ZNF547: variants seen among roughly 807,000 people sequenced by gnomAD.
The protein encoded by ZNF547 is zinc finger protein 547.
ZNF547 carries 4 observed loss-of-function variants against 7.7 expected under a neutral mutation model. That is an observed-to-expected ratio of 0.52 (90% CI 0.26 to 1.20). The LOEUF is 1.20. Among genes scored for constraint, ZNF547 ranks in the 50% most tolerant of loss-of-function variants. The pLI, the probability that ZNF547 is intolerant of heterozygous loss-of-function variation, is 0.14. For synonymous variants in ZNF547, 166 were observed against 166.2 expected (o/e 1.00, Z 0.01); for missense variants, 449 against 485.8 (o/e 0.92, Z 0.71).
At chr19:57,366,618 T>C (rs563915533) in intron 1 of ZNF547, among the ~76,000 whole-genome samples, 1 of 144,636 alleles carries the variant, frequency 6.9e-6, no homozygotes, top group East Asian at 2.1e-4. Flanking sequence ...GGCGCTTGGC[T>C]CACTGCAACC....
intron 1 of ZNF547, chr19:57,364,973 A>G (rs1221676574): frequency 1.2e-6 from 2 of 1,613,050 alleles, no homozygotes; most frequent in Non-Finnish European, 1.7e-6. Context: ...GCTGCTCTCG[A>G]CCTCGTAGAT....
chr19:57,377,013 T>C, intron 3 of ZNF547, 115 bp from the exon 4 acceptor site: 2 of 1,096,112 alleles, frequency 1.8e-6, no homozygotes, highest in Non-Finnish European at 2.6e-6. Flanking sequence ...CCAGGGTTCA[T>C]GCCTGTCACC....
chr19:57,369,923 T>TTTTTTTTTTTTA (rs56923117), intron 2 of ZNF547, among the ~76,000 whole-genome samples: 3 of 143,042 alleles, frequency 2.1e-5, no homozygotes, highest in East Asian at 2.0e-4. Context: ...TTTTTTTTTT[T>TTTTTTTTTTTTA]GAGATGTGGC....
intron 1 of ZNF547, chr19:57,365,047 G>T (rs780514143): frequency 3.1e-6 from 5 of 1,611,846 alleles, no homozygotes; most frequent in East Asian, 2.2e-5. Flanking sequence ...CGAGTGGTTT[G>T]TGTCAGCATT....
At chr19:57,364,446 A>ATG in intron 1 of ZNF547, 13 of 219,186 alleles carry the variant, frequency 5.9e-5, no homozygotes, top group Non-Finnish European at 7.4e-5. Context: ...TAGATTCTTC[A>ATG]AAAGAATAGA....
At chr19:57,364,953 C>A (rs2123007907) in intron 1 of ZNF547, 1 of 1,613,084 alleles carries the variant, frequency 6.2e-7, no homozygotes, top group Non-Finnish European at 8.5e-7. Flanking sequence ...TGAACCAGTT[C>A]ATAGCTCATG....
rs1211911705 is a variant in ZNF547, at chr19:57,379,140, A to AG, written c.*958dup. ...TGTGAATATTGCTACTACAAGCATA[A>AG]GGGCACAAATATCTCTTTGAGACCC... On this transcript the variant is annotated 3_prime_UTR_variant, in exon 4 of 4. Coordinates refer to ENST00000282282, the MANE Select transcript of ZNF547 (RefSeq NM_173631.4). 1 of 153,848 alleles carries AG rather than the reference A, an allele frequency of 6.5e-6. No homozygotes were observed. The highest frequency in any genetic ancestry group is 1.4e-5 in the Non-Finnish European group (1 of 69,166). The allele number at this position is 153,848 out of a possible 1,614,324, so 9.5% of individuals were successfully genotyped here. A position where few individuals can be genotyped will look rare whatever the true frequency, so the allele number is the denominator to read the frequency against.
chr19:57,369,069 G>T (rs2088488671), intron 2 of ZNF547, among the ~76,000 whole-genome samples: 1 of 152,180 alleles, frequency 6.6e-6, no homozygotes. Context: ...TGAAGCAGAA[G>T]AGGGCAGTGA....
intron 3 of ZNF547, among the ~76,000 whole-genome samples, chr19:57,373,434 GC>G (rs149477503): frequency 3.5e-4 from 51 of 146,242 alleles, no homozygotes; most frequent in African/African-American, 1.0e-3. Flanking sequence ...TTCCACCCCG[GC>G]CCCCCCCACC....
intron 2 of ZNF547, 43 bp downstream of exon 2, chr19:57,368,622 T>TA: frequency 6.2e-7 from 1 of 1,608,946 alleles, no homozygotes; most frequent in Non-Finnish European, 8.5e-7. Context: ...AGTTATCTCA[T>TA]AGATGGTTTT....
rs77834888 is a variant in ZNF547 at position 57,377,435 on chromosome 19, G to A, written c.459G>A (p.Gly153=). 9.5e-3 allele frequency: 15,307 copies of A among 1,614,208 alleles called. 1,105 individuals carry two copies. In the African/African-American group the frequency reaches 0.17, roughly 18 times the overall value. The change falls in exon 4 of 4, where the codon GGG becomes GGA. Residue 153 remains glycine (G), a synonymous_variant. Coordinates refer to ENST00000282282, the MANE Select transcript of ZNF547 (RefSeq NM_173631.4). The part of the protein sequence containing the change: ...FVKNHRVHMA[G]KTFLCSECGK... ...AGAACCACAGAGTTCACATGGCAGG[G>A]AAGACCTTCTTGTGCAGTGAATGTG...
At chr19:57,372,116 G>T (rs1207005649) in intron 3 of ZNF547, among the ~76,000 whole-genome samples, 2 of 152,212 alleles carry the variant, frequency 1.3e-5, no homozygotes, top group African/African-American at 4.8e-5. Context: ...TCTGAGGCTT[G>T]CAAGAAAGGG....
chr19:57,365,908 G>A (rs572992428), intron 1 of ZNF547, among the ~76,000 whole-genome samples: 4 of 141,022 alleles, frequency 2.8e-5, no homozygotes, highest in South Asian at 2.2e-4. Flanking sequence ...TGTTGTGCAG[G>A]GGCTGGAGTG....
At chr19:57,368,930 G>A (rs1183098491) in intron 2 of ZNF547, among the ~76,000 whole-genome samples, 2 of 152,178 alleles carry the variant, frequency 1.3e-5, no homozygotes, top group Non-Finnish European at 2.9e-5. Flanking sequence ...GGAACTGCAA[G>A]TGTCTGTTAT....
At chr19:57,365,055 A>G in intron 1 of ZNF547, 4 of 1,611,776 alleles carry the variant, frequency 2.5e-6, no homozygotes, top group African/African-American at 1.3e-5. Context: ...TTGTGTCAGC[A>G]TTTGTCACCG....
intron 2 of ZNF547, 50 bp from the exon 3 acceptor site, chr19:57,371,732 A>G (rs758760435): frequency 1.9e-6 from 3 of 1,577,900 alleles, no homozygotes; most frequent in Non-Finnish European, 2.6e-6. Flanking sequence ...GAACTTAAGT[A>G]AATACAGTTT....
Position 57,377,951 on chromosome 19 carries a change from G to T in ZNF547, c.975G>T (p.Glu325Asp), listed in dbSNP as rs1320124139. Residue 325 changes from glutamate to aspartate, a missense_variant, in exon 4 of 4, where the codon GAG becomes GAT. By Grantham distance (45) the Glu-to-Asp change is conservative. Coordinates refer to ENST00000282282, the MANE Select transcript of ZNF547 (RefSeq NM_173631.4). ...QRVHTGERPY[E>D]CNECGKFFSL... is the part of the protein sequence containing the mutation. ...TTCACACTGGAGAAAGGCCTTATGA[G>T]TGCAATGAATGTGGGAAATTCTTCA... The T allele has an allele frequency of 9.9e-6, 16 of 1,614,006 alleles. No homozygotes were observed. The highest frequency in any genetic ancestry group is 1.3e-5 in the African/African-American group (1 of 74,996).
chr19:57,364,443 T>TCGGTGGTCGACGTA, intron 1 of ZNF547: 3 of 206,432 alleles, frequency 1.5e-5, no homozygotes, highest in South Asian at 8.0e-5. Flanking sequence ...GTGTAGATTC[T>TCGGTGGTCGACGTA]TCAAAAGAAT....
intron 1 of ZNF547, among the ~76,000 whole-genome samples, chr19:57,366,155 G>A (rs190419861): frequency 6.6e-6 from 1 of 151,462 alleles, no homozygotes; most frequent in Admixed American, 6.6e-5. Flanking sequence ...GAGCCACTGC[G>A]CCTGGCCATG....
Sources: allele counts gnomAD v4.1 joint callset (sites outside exome capture counted in the v4.1 genomes callset), GRCh38; gene constraint gnomAD v4.1.1; transcripts MANE v1.5; gene names NCBI Gene and HGNC (gene_info 2026-07-23, HGNC 2026-07-21).